The following TAFA1 variants were observed in gnomAD, a reference collection of about 807,000 sequenced individuals.
The protein encoded by TAFA1 is chemokine-like protein TAFA-1.
Under a neutral mutation model 18.5 loss-of-function variants are expected in TAFA1, and 4 were observed. That is an observed-to-expected ratio of 0.22 (90% confidence interval 0.11 to 0.49). The LOEUF (loss-of-function observed/expected upper bound fraction) is 0.49. TAFA1 is among the 20% of genes least tolerant of loss of function. The probability of loss-of-function intolerance (pLI) is 0.98; values close to 1 mark genes in which losing one functional copy is unlikely to be tolerated. For missense variants in TAFA1, 147 were observed against 169.0 expected, an observed-to-expected ratio of 0.87 and a Z score of 0.72; for synonymous variants, 56 against 55.2, an observed-to-expected ratio of 1.01 and a Z score of -0.06.
chr3:68,387,788 C>A (rs1443205580), intron 2 of TAFA1, among the ~76,000 whole-genome samples: 1 of 152,046 alleles, frequency 6.6e-6, no homozygotes, highest in Non-Finnish European at 1.5e-5. Context: ...ACTGTTTTTC[C>A]CCCTTCATGG....
chr3:68,483,655 T>G (rs1575910921), intron 3 of TAFA1, among the ~76,000 whole-genome samples: 1 of 152,256 alleles, frequency 6.6e-6, no homozygotes, highest in South Asian at 2.1e-4. Context: ...GAGTCAGGGG[T>G]TTATTTTACC....
At chr3:68,498,906 C>T (rs2668166) in intron 3 of TAFA1, among the ~76,000 whole-genome samples, 30,046 of 151,658 alleles carry the variant, frequency 0.2, 3,022 homozygotes, top group Middle Eastern at 0.23. Flanking sequence ...TTTTTTAACA[C>T]TTACTGGGAA....
At chr3:68,193,489 A>G (rs1167021723) in intron 2 of TAFA1, among the ~76,000 whole-genome samples, 2 of 151,746 alleles carry the variant, frequency 1.3e-5, no homozygotes, top group African/African-American at 4.8e-5. Flanking sequence ...GTCTCCTTCC[A>G]GTGTCTCCCC....
chr3:68,245,031 C>T (rs890480346), intron 2 of TAFA1, among the ~76,000 whole-genome samples: 1 of 152,132 alleles, frequency 6.6e-6, no homozygotes, highest in Non-Finnish European at 1.5e-5. Flanking sequence ...ATCTATCAAG[C>T]CTTTATTTTG....
intron 3 of TAFA1, among the ~76,000 whole-genome samples, chr3:68,445,265 T>C (rs1422512692): frequency 6.6e-6 from 1 of 152,164 alleles, no homozygotes; most frequent in Non-Finnish European, 1.5e-5. Context: ...TATTTTTGCA[T>C]TTTGGGAAAG....
At chr3:68,274,903 C>G (rs189340206) in intron 2 of TAFA1, among the ~76,000 whole-genome samples, 2 of 151,984 alleles carry the variant, frequency 1.3e-5, no homozygotes, top group African/African-American at 4.8e-5. Context: ...ACATTATTTT[C>G]GTCATTTTGT....
intron 2 of TAFA1, among the ~76,000 whole-genome samples, chr3:68,162,723 A>G (rs561713160): frequency 7.5e-4 from 115 of 152,320 alleles, no homozygotes; most frequent in African/African-American, 2.5e-3. Flanking sequence ...AAAATTCTGA[A>G]AACACTCCAA....
chr3:68,346,332 T>C (rs1258955638), intron 2 of TAFA1, among the ~76,000 whole-genome samples: 2 of 152,072 alleles, frequency 1.3e-5, no homozygotes, highest in Non-Finnish European at 2.9e-5. Flanking sequence ...CTAATTTTTG[T>C]ATTTTTGTAG....
chr3:68,063,817 T>C (rs1238617146), intron 2 of TAFA1, among the ~76,000 whole-genome samples: 1 of 152,224 alleles, frequency 6.6e-6, no homozygotes, highest in Admixed American at 6.5e-5. Context: ...TTAAAAGGGA[T>C]GCATAGGCTT....
At chr3:68,111,746 G>A (rs79739041) in intron 2 of TAFA1, among the ~76,000 whole-genome samples, 3,730 of 149,864 alleles carry the variant, frequency 0.025, 144 homozygotes, top group African/African-American at 0.084. Flanking sequence ...AAAAAGAATA[G>A]TAGGAATAAA....
At chr3:68,102,878 T>C (rs565542079) in intron 2 of TAFA1, among the ~76,000 whole-genome samples, 2 of 152,312 alleles carry the variant, frequency 1.3e-5, no homozygotes, top group South Asian at 2.1e-4. Flanking sequence ...CTAAGAATGC[T>C]TGGGCCAAGG....
intron 2 of TAFA1, among the ~76,000 whole-genome samples, chr3:68,348,781 A>G (rs1314277322): frequency 6.6e-6 from 1 of 152,136 alleles, no homozygotes; most frequent in East Asian, 1.9e-4. Flanking sequence ...TTAAAAACTC[A>G]ACATGCAATG....
At chr3:68,166,341 T>G (rs192315399) in intron 2 of TAFA1, among the ~76,000 whole-genome samples, 2 of 152,190 alleles carry the variant, frequency 1.3e-5, no homozygotes, top group Non-Finnish European at 2.9e-5. Context: ...TCCTTCCTAT[T>G]AGTGCTTTCT....
chr3:68,337,470 C>G (rs915295014), intron 2 of TAFA1, among the ~76,000 whole-genome samples: 4 of 152,110 alleles, frequency 2.6e-5, no homozygotes, highest in African/African-American at 9.7e-5. Context: ...TGGGCAAGGA[C>G]ACAAATCCAA....
intron 3 of TAFA1, among the ~76,000 whole-genome samples, chr3:68,514,907 T>A (rs1396140268): frequency 6.6e-6 from 1 of 152,128 alleles, no homozygotes; most frequent in Non-Finnish European, 1.5e-5. Flanking sequence ...TTACATCTCA[T>A]GTTTTTATTG....
intron 2 of TAFA1, among the ~76,000 whole-genome samples, chr3:68,229,391 C>T (rs1433656798): frequency 6.6e-6 from 1 of 152,132 alleles, no homozygotes; most frequent in South Asian, 2.1e-4. Flanking sequence ...AGAAAAAATA[C>T]CTGCTGCTTT....
At chr3:68,200,670 G>A (rs538300355) in intron 2 of TAFA1, among the ~76,000 whole-genome samples, 19 of 151,622 alleles carry the variant, frequency 1.3e-4, no homozygotes, top group Non-Finnish European at 1.9e-4. Context: ...GGGATCTGTA[G>A]CATGTACTAA....
At chr3:68,417,076 G>A (rs1050629361) in intron 2 of TAFA1, among the ~76,000 whole-genome samples, 2 of 152,036 alleles carry the variant, frequency 1.3e-5, no homozygotes, top group African/African-American at 4.8e-5. Flanking sequence ...GCTATCCATT[G>A]GTATTCTTTG....
chr3:68,507,561 G>T (rs2072779732), intron 3 of TAFA1, among the ~76,000 whole-genome samples: 1 of 151,988 alleles, frequency 6.6e-6, no homozygotes, highest in Non-Finnish European at 1.5e-5. Flanking sequence ...TGAAGAAACA[G>T]GTATTGTTCT....
Sources: allele counts gnomAD v4.1 joint callset (sites outside exome capture counted in the v4.1 genomes callset), GRCh38; gene constraint gnomAD v4.1.1; transcripts MANE v1.5; gene names NCBI Gene and HGNC (gene_info 2026-07-23, HGNC 2026-07-21).